PCDHGB5: variants seen among roughly 807,000 people sequenced by gnomAD.
PCDHGB5 encodes protocadherin gamma subfamily B, 5.
Under a neutral mutation model 62.9 loss-of-function variants are expected in PCDHGB5, and 48 were observed. The observed-to-expected ratio is 0.76, with a 90% CI of 0.61 to 0.97. The LOEUF is 0.97. Among genes scored for constraint, PCDHGB5 ranks in the 50% least tolerant of loss-of-function variants. The pLI, the probability that PCDHGB5 is intolerant of heterozygous loss-of-function variation, is 0.00. For synonymous variants in PCDHGB5, 474 were observed against 511.2 expected, an observed-to-expected ratio of 0.93 and a Z score of 0.98; for missense variants, 1,118 against 1,198.6, an observed-to-expected ratio of 0.93 and a Z score of 0.99.
At position 141,493,396 on chromosome 5, in the gene PCDHGB5, G is replaced by A. The variant is rs562217310; in HGVS notation, c.2398-1411G>A. 1.3e-5 allele frequency among the ~76,000 whole-genome samples: 2 copies of A among 152,274 alleles called. No homozygotes were observed. Among genetic ancestry groups the A allele is most frequent in the East Asian group, 3.9e-4 (2 of 5,178 alleles). The stretch of plus-strand genomic sequence containing the variant: ...TTTAAAAGCTTGAGGACAGGAGAGG[G>A]GAGTTGCCTCTGCTGGGATTTTGCT... On this transcript the variant is annotated intron_variant, in intron 1 of 3. Transcript: ENST00000617380. This position sits in a 1 kb window ranked among gnomAD's most constrained non-coding sequence, Gnocchi z 4.3.
Position 141,432,184 on chromosome 5 carries a change from C to T in PCDHGB5, c.2397+31660C>T, listed in dbSNP as rs774512372. 3.7e-6 allele frequency: 6 copies of T among 1,614,164 alleles called. No homozygotes were observed. The highest frequency in any genetic ancestry group is 2.2e-5 in the South Asian group (2 of 91,080). On this transcript the variant is annotated intron_variant, in intron 1 of 3. Transcript: ENST00000617380. The surrounding 1 kb of genome is among the most constrained non-coding windows in gnomAD (Gnocchi z 6.0). Reference sequence around the variant, plus strand: ...GAGGAGTTTCCCTCGTCTCTGTGACCGCCCACGACCCCGACTGTGAAGAGA... The same window carrying T: ...GAGGAGTTTCCCTCGTCTCTGTGACTGCCCACGACCCCGACTGTGAAGAGA...
chr5:141,414,052 T>C, intron 1 of PCDHGB5: 1 of 1,610,346 alleles, frequency 6.2e-7, no homozygotes, highest in Non-Finnish European at 8.5e-7. Flanking sequence ...TGACACGCAA[T>C]TGTTGAAGTT....
At position 141,403,190 on chromosome 5, in the gene PCDHGB5, C is replaced by G. The variant is rs768673759; in HGVS notation, c.2397+2666C>G. The G allele has an allele frequency of 1.1e-5, 17 of 1,613,864 alleles. No homozygotes were observed. The African/African-American group carries it at 2.0e-4, about 19-fold the overall frequency. On this transcript the variant is annotated intron_variant, in intron 1 of 3. Coordinates refer to ENST00000617380, the MANE Select transcript of PCDHGB5 (RefSeq NM_018925.3). ...GACGCAGCTTTTCTCTCTGAACCCG[C>G]GCAGCGGCACCTTGGTCACCGCGGG...
rs953397576 is a variant in PCDHGB5, at chr5:141,410,111, G to A, written c.2397+9587G>A. 6 of 1,612,264 alleles carry A rather than the reference G, an allele frequency of 3.7e-6. No homozygotes were observed. In the African/African-American group the frequency reaches 6.7e-5, roughly 18 times the overall value. On this transcript the variant is annotated intron_variant, in intron 1 of 3. Transcript: ENST00000617380. ...GGCTCGAGCCTTAGGCGACAGGGACGCAGCCCGCCAGCGCCTGCTGGTCGC... is the reference window on the plus strand; with the variant it reads ...GGCTCGAGCCTTAGGCGACAGGGACACAGCCCGCCAGCGCCTGCTGGTCGC...
At chr5:141,495,286 A>T (rs1341490472) in intron 2 of PCDHGB5, among the ~76,000 whole-genome samples, 2 of 152,088 alleles carry the variant, frequency 1.3e-5, no homozygotes, top group Non-Finnish European at 2.9e-5. Context: ...GGCGGTCCGC[A>T]CTCAGCGCCT....
chr5:141,422,263 C>T lies in PCDHGB5; in HGVS notation c.2397+21739C>T, dbSNP rs755271863. On this transcript the variant is annotated intron_variant, in intron 1 of 3. Transcript: ENST00000617380. ...TGTTGTGGATGTGAATGATAACGCT[C>T]CAGAAATAACTATCACCTCTTCTAT... is the stretch of plus-strand genomic sequence containing the variant. 1.0e-5 allele frequency: 16 copies of T among 1,563,686 alleles called. No individual in the cohort carries two copies. The South Asian group carries it at 1.7e-4, about 17-fold the overall frequency.
intron 1 of PCDHGB5, chr5:141,426,414 G>A (rs2096934345): frequency 3.5e-6 from 1 of 287,986 alleles, no homozygotes; most frequent in Admixed American, 4.4e-5. Context: ...AAACGGTCCA[G>A]GGCTCCGTGG....
At chr5:141,464,134 G>A (rs1270558696) in intron 1 of PCDHGB5, among the ~76,000 whole-genome samples, 1 of 151,944 alleles carries the variant, frequency 6.6e-6, no homozygotes, top group Admixed American at 6.6e-5. Context: ...GTGTGGTGGT[G>A]GGCGCCTGTA....
chr5:141,408,379 G>T (rs2095093592), intron 1 of PCDHGB5: 13 of 1,613,914 alleles, frequency 8.1e-6, no homozygotes, highest in Non-Finnish European at 1.1e-5. Context: ...TCAGTGTCCT[G>T]GATGTGTCGG....
chr5:141,417,878 C>T, intron 1 of PCDHGB5: 1 of 1,558,216 alleles, frequency 6.4e-7, no homozygotes, highest in Non-Finnish European at 8.7e-7. Context: ...GAGCTGCGCG[C>T]AGAGGCGCCG....
intron 1 of PCDHGB5, chr5:141,402,918 A>G: frequency 6.4e-7 from 1 of 1,570,054 alleles, no homozygotes; most frequent in Non-Finnish European, 8.6e-7. Context: ...GCGCGCACAG[A>G]GATCCTTTTG....
intron 1 of PCDHGB5, among the ~76,000 whole-genome samples, chr5:141,454,900 C>T (rs1411402448): frequency 1.4e-5 from 2 of 145,486 alleles, no homozygotes; most frequent in African/African-American, 2.6e-5. Flanking sequence ...CACCGCCTCC[C>T]GGGTTCACGC....
In PCDHGB5 at chr5:141,408,826, T is replaced by C. The variant is rs138252575; in HGVS notation, c.2397+8302T>C. ...TAGACCGGGAAGAACAGAGATCTCA[T>C]AGCTTGATATTGACTGCCTTGGACG... On this transcript the variant is annotated intron_variant, in intron 1 of 3. Coordinates refer to ENST00000617380, the MANE Select transcript of PCDHGB5 (RefSeq NM_018925.3). The C allele has an allele frequency of 6.1e-5, 98 of 1,613,582 alleles. No homozygotes were observed. The African/African-American group carries it at 9.9e-4, about 16-fold the overall frequency.
At chr5:141,422,636 C>T in intron 1 of PCDHGB5, 3 of 1,612,584 alleles carry the variant, frequency 1.9e-6, no homozygotes, top group Non-Finnish European at 2.5e-6. Context: ...CCCAGGGGTG[C>T]CTCCATCTTC....
At chr5:141,415,026 G>A in intron 1 of PCDHGB5, 1 of 1,613,590 alleles carries the variant, frequency 6.2e-7, no homozygotes, top group Non-Finnish European at 8.5e-7. Flanking sequence ...AGGCCAGCGA[G>A]CCGGGACTCT....
intron 1 of PCDHGB5, chr5:141,415,059 C>A: frequency 1.2e-6 from 2 of 1,613,396 alleles, no homozygotes; most frequent in Non-Finnish European, 1.7e-6. Flanking sequence ...AGCACACGGG[C>A]GAGGTGCGCA....
At chr5:141,483,207 A>G (rs1225621725) in intron 1 of PCDHGB5, among the ~76,000 whole-genome samples, 1 of 152,224 alleles carries the variant, frequency 6.6e-6, no homozygotes, top group African/African-American at 2.4e-5. Context: ...TATTCCATAT[A>G]GATGACAGTC....
rs527641698 is a variant in PCDHGB5 at position 141,410,317 on chromosome 5, C to G, written c.2397+9793C>G. The G allele has an allele frequency of 2.5e-6, 4 of 1,613,892 alleles. No homozygotes were observed. In the East Asian group the frequency reaches 6.7e-5, roughly 27 times the overall value. ...CCTTAATCTCAGTGCTCTTCCTCCT[C>G]GCCGTGATTCTGGCCATTGCCTTGC... On this transcript the variant is annotated intron_variant, in intron 1 of 3. Transcript: ENST00000617380.
At chr5:141,498,530 A>G (rs1275299749) in intron 2 of PCDHGB5, among the ~76,000 whole-genome samples, 1 of 149,364 alleles carries the variant, frequency 6.7e-6, no homozygotes, top group Non-Finnish European at 1.5e-5. Flanking sequence ...ACTGCCCTCC[A>G]GCCTGGTCTG....
Sources: allele counts gnomAD v4.1 joint callset (sites outside exome capture counted in the v4.1 genomes callset), GRCh38; gene constraint gnomAD v4.1.1; non-coding constraint Gnocchi (gnomAD v3.1); transcripts MANE v1.5; gene names NCBI Gene and HGNC (gene_info 2026-07-23, HGNC 2026-07-21).